The following CACNB4 variants were observed in gnomAD, a reference collection of about 807,000 sequenced individuals.
CACNB4 encodes the protein voltage-dependent L-type calcium channel subunit beta-4.
In CACNB4, 32 loss-of-function variants were observed where a neutral mutation model predicts 71.2. The ratio of observed to expected loss-of-function variants is 0.45; its 90% CI spans 0.34 to 0.60. CACNB4 has a LOEUF of 0.60. CACNB4 is among the 20% of genes least tolerant of loss of function. CACNB4 has a pLI of 0.01. For synonymous variants in CACNB4, 231 were observed against 236.9 expected, an observed-to-expected ratio of 0.97 and a Z score of 0.23; for missense variants, 464 against 647.9, an observed-to-expected ratio of 0.72 and a Z score of 3.08.
chr2:152,032,627 C>G (rs1344385644), intron 2 of CACNB4, among the ~76,000 whole-genome samples: 2 of 152,078 alleles, frequency 1.3e-5, no homozygotes, highest in Admixed American at 6.6e-5. Context: ...TGCATTTTCT[C>G]TCTCCAAAGA....
chr2:151,884,405 C>T (rs1283889532), intron 2 of CACNB4, among the ~76,000 whole-genome samples: 3 of 149,564 alleles, frequency 2.0e-5, no homozygotes, highest in Non-Finnish European at 4.4e-5. Flanking sequence ...GGGAGGATCA[C>T]GAGGTCAGGA....
At chr2:151,848,937 AG>A (rs1417998673) in intron 12 of CACNB4, among the ~76,000 whole-genome samples, 2 of 152,228 alleles carry the variant, frequency 1.3e-5, no homozygotes, top group African/African-American at 4.8e-5. Context: ...ACTTGGTAGA[AG>A]CAAAAAGAAA....
chr2:152,015,018 C>G (rs7570505), intron 2 of CACNB4, among the ~76,000 whole-genome samples: 1 of 152,138 alleles, frequency 6.6e-6, no homozygotes, highest in Non-Finnish European at 1.5e-5. Context: ...ACCATGAAAC[C>G]AAGCTTCCTA....
chr2:151,983,861 G>A (rs1579072103), intron 2 of CACNB4, among the ~76,000 whole-genome samples: 1 of 152,066 alleles, frequency 6.6e-6, no homozygotes, highest in Non-Finnish European at 1.5e-5. Context: ...ATAGTCACTG[G>A]ATTTCTGAAC....
chr2:152,098,671 G>T lies in CACNB4; in HGVS notation c.64-258C>A, dbSNP rs1234666396. ...CCATTAACAAAGACTCTCAGGGTGC[G>T]GGGTCCGAGTCCCCGGCATCCGCTG... On this transcript the variant is annotated intron_variant, in intron 1 of 13. Transcript: ENST00000539935. This position sits in a 1 kb window ranked among gnomAD's most constrained non-coding sequence, Gnocchi z 5.3. 6.4e-7 allele frequency: 1 copy of T among 1,568,296 alleles called. No homozygotes were observed. Among genetic ancestry groups the T allele is most frequent in the Non-Finnish European group, 8.6e-7 (1 of 1,156,700 alleles).
At chr2:152,008,912 G>A (rs914036407) in intron 2 of CACNB4, among the ~76,000 whole-genome samples, 4 of 152,132 alleles carry the variant, frequency 2.6e-5, no homozygotes, top group Non-Finnish European at 4.4e-5. Flanking sequence ...AACTTCCCTT[G>A]GTTCTGTCAT....
chr2:151,865,461 A>G (rs2099842829), intron 9 of CACNB4, among the ~76,000 whole-genome samples: 1 of 152,190 alleles, frequency 6.6e-6, no homozygotes. Flanking sequence ...CACAGAGTTG[A>G]TCTGATCCAG....
At chr2:152,096,535 A>G (rs1218502730) in intron 2 of CACNB4, among the ~76,000 whole-genome samples, 1 of 152,202 alleles carries the variant, frequency 6.6e-6, no homozygotes, top group African/African-American at 2.4e-5. Flanking sequence ...AAGATTGTGT[A>G]TATAATACAA....
intron 2 of CACNB4, among the ~76,000 whole-genome samples, chr2:151,990,649 G>C (rs1170120029): frequency 6.6e-6 from 1 of 152,176 alleles, no homozygotes; most frequent in African/African-American, 2.4e-5. Flanking sequence ...TTAATCTCAT[G>C]ATCAGTGAAC....
intron 2 of CACNB4, among the ~76,000 whole-genome samples, chr2:151,902,848 T>C (rs2099853828): frequency 6.6e-6 from 1 of 152,170 alleles, no homozygotes; most frequent in Non-Finnish European, 1.5e-5. Flanking sequence ...TTGTGTGCAA[T>C]GAATGAAAAT....
chr2:152,022,074 G>C (rs895028374), intron 2 of CACNB4, among the ~76,000 whole-genome samples: 10 of 152,158 alleles, frequency 6.6e-5, no homozygotes, highest in African/African-American at 2.2e-4. Context: ...CTGCACATGA[G>C]CTCATCAAGT....
intron 2 of CACNB4, among the ~76,000 whole-genome samples, chr2:152,068,314 G>C (rs889875019): frequency 2.6e-5 from 4 of 152,138 alleles, no homozygotes; most frequent in Non-Finnish European, 5.9e-5. Context: ...ACATGAGGTA[G>C]CTGCCTAACA....
intron 2 of CACNB4, among the ~76,000 whole-genome samples, chr2:151,913,442 T>C (rs1196829380): frequency 6.6e-6 from 1 of 152,120 alleles, no homozygotes; most frequent in Non-Finnish European, 1.5e-5. Context: ...TTTGGCTGGA[T>C]ATGAAATTCT....
intron 12 of CACNB4, 181 bp downstream of exon 12, chr2:151,853,267 C>A (rs2099839499): frequency 1.9e-6 from 1 of 526,266 alleles, no homozygotes; most frequent in East Asian, 3.4e-5. Context: ...CAAACACCAT[C>A]CACATCTGGA....
chr2:151,879,404 C>T (rs1559920442), intron 4 of CACNB4: 1 of 151,528 alleles, frequency 6.6e-6, no homozygotes, highest in Non-Finnish European at 1.5e-5. Context: ...CATCATTTGG[C>T]TTATGTGACA....
intron 12 of CACNB4, among the ~76,000 whole-genome samples, chr2:151,845,639 G>A (rs943127444): frequency 3.3e-5 from 5 of 152,218 alleles, no homozygotes; most frequent in African/African-American, 9.6e-5. Context: ...TGGATGCAGA[G>A]AGCTCCTAAT....
chr2:152,024,731 A>C (rs1192971944), intron 2 of CACNB4, among the ~76,000 whole-genome samples: 1 of 152,238 alleles, frequency 6.6e-6, no homozygotes. Context: ...CATTGTTTGC[A>C]ACAATATGGT....
chr2:151,986,297 T>C (rs919565378), intron 2 of CACNB4, among the ~76,000 whole-genome samples: 67 of 152,316 alleles, frequency 4.4e-4, no homozygotes, highest in African/African-American at 1.5e-3. Context: ...ACCCAACACC[T>C]GGAGGAAATA....
intron 9 of CACNB4, chr2:151,867,990 C>T (rs2099843627): frequency 6.6e-6 from 1 of 152,218 alleles, no homozygotes; most frequent in Admixed American, 6.5e-5. Flanking sequence ...GACCTATATA[C>T]TAATGTACCT....
Sources: allele counts gnomAD v4.1 joint callset (sites outside exome capture counted in the v4.1 genomes callset), GRCh38; gene constraint gnomAD v4.1.1; non-coding constraint Gnocchi (gnomAD v3.1); transcripts MANE v1.5; gene names NCBI Gene and HGNC (gene_info 2026-07-23, HGNC 2026-07-21).